The following SLIT1 variants were observed in gnomAD, a reference collection of about 807,000 sequenced individuals.
The protein encoded by SLIT1 is slit guidance ligand 1, also known as slit homolog 1 protein.
Under a neutral mutation model 186.1 loss-of-function variants are expected in SLIT1, and 66 were observed. The ratio of observed to expected loss-of-function variants is 0.35; its 90% confidence interval spans 0.29 to 0.44. The LOEUF is 0.44. Among genes scored for constraint, SLIT1 ranks in the 20% least tolerant of loss-of-function variants. The probability of loss-of-function intolerance (pLI) is 1.00; values close to 1 mark genes in which losing one functional copy is unlikely to be tolerated. For synonymous variants in SLIT1, 761 were observed against 833.8 expected (o/e 0.91, Z 1.50); for missense variants, 1,638 against 2,037.4 (o/e 0.80, Z 3.77).
intron 4 of SLIT1, among the ~76,000 whole-genome samples, chr10:97,111,483 G>T (rs1029343766): frequency 2.0e-5 from 3 of 152,096 alleles, no homozygotes; most frequent in African/African-American, 7.2e-5. Flanking sequence ...CAAGGCCAGG[G>T]TCATCAAGCT....
intron 3 of SLIT1, among the ~76,000 whole-genome samples, chr10:97,159,492 C>T (rs1021362786): frequency 9.2e-5 from 14 of 152,196 alleles, no homozygotes; most frequent in Admixed American, 2.6e-4. Context: ...TGCCTGGTAA[C>T]CACTGGTTTT....
chr10:97,015,085 A>T (rs1848444057), intron 28 of SLIT1, among the ~76,000 whole-genome samples: 1 of 151,838 alleles, frequency 6.6e-6, no homozygotes, highest in Non-Finnish European at 1.5e-5. Context: ...TGTGGATCAG[A>T]GAGAGGTCCA....
At chr10:97,126,264 C>T (rs1459898222) in intron 4 of SLIT1, among the ~76,000 whole-genome samples, 1 of 152,222 alleles carries the variant, frequency 6.6e-6, no homozygotes, top group Non-Finnish European at 1.5e-5. Flanking sequence ...TAAACTGTAA[C>T]AGACGTGAAC....
intron 11 of SLIT1, chr10:97,057,609 C>T (rs1395419492): frequency 1.6e-5 from 6 of 365,612 alleles, no homozygotes; most frequent in Non-Finnish European, 3.0e-5. Flanking sequence ...TTCATCTGGT[C>T]CAGAATCCAA....
At chr10:97,149,204 C>G (rs1333765529) in intron 4 of SLIT1, among the ~76,000 whole-genome samples, 1 of 152,232 alleles carries the variant, frequency 6.6e-6, no homozygotes, top group Non-Finnish European at 1.5e-5. Flanking sequence ...GCGCATCAGC[C>G]CGCTCTGGCG....
intron 1 of SLIT1, among the ~76,000 whole-genome samples, chr10:97,180,453 T>C (rs967149068): frequency 1.3e-5 from 2 of 152,236 alleles, no homozygotes; most frequent in Non-Finnish European, 2.9e-5. Context: ...TCTTATACTA[T>C]GTCATTCATC....
intron 4 of SLIT1, among the ~76,000 whole-genome samples, chr10:97,130,607 G>C (rs1849643978): frequency 6.6e-6 from 1 of 152,184 alleles, no homozygotes; most frequent in Non-Finnish European, 1.5e-5. Context: ...CTGGACTCTG[G>C]AGCCTGACTG....
intron 4 of SLIT1, among the ~76,000 whole-genome samples, chr10:97,081,420 C>T (rs1469528941): frequency 6.6e-6 from 1 of 152,180 alleles, no homozygotes; most frequent in Non-Finnish European, 1.5e-5. Context: ...CCACTGGGTC[C>T]CTGGGGCATT....
intron 4 of SLIT1, among the ~76,000 whole-genome samples, chr10:97,139,511 C>G (rs1254988500): frequency 6.6e-6 from 1 of 152,174 alleles, no homozygotes; most frequent in East Asian, 1.9e-4. Context: ...TCAACTTGAT[C>G]AAGAAATAGT....
At chr10:97,019,878 T>C (rs1015206300) in intron 26 of SLIT1, among the ~76,000 whole-genome samples, 1 of 152,162 alleles carries the variant, frequency 6.6e-6, no homozygotes, top group Non-Finnish European at 1.5e-5. Context: ...GGCATGAGCA[T>C]GAATAGAAAT....
chr10:97,137,868 T>G (rs1165832371), intron 4 of SLIT1, among the ~76,000 whole-genome samples: 1 of 152,234 alleles, frequency 6.6e-6, no homozygotes, highest in Non-Finnish European at 1.5e-5. Flanking sequence ...TCATTTAATC[T>G]GTGCTCAACA....
At chr10:97,179,101 T>A (rs538551299) in intron 1 of SLIT1, among the ~76,000 whole-genome samples, 2 of 151,964 alleles carry the variant, frequency 1.3e-5, no homozygotes, top group Non-Finnish European at 2.9e-5. Context: ...AAACCCTACC[T>A]CCACAACACA....
At chr10:97,032,837 G>A (rs771809059) in intron 23 of SLIT1, among the ~76,000 whole-genome samples, 6 of 152,260 alleles carry the variant, frequency 3.9e-5, no homozygotes, top group African/African-American at 7.2e-5. Flanking sequence ...AAGAGCTACC[G>A]GCACATGCAA....
At chr10:97,037,395 C>A (rs551008333) in intron 22 of SLIT1, among the ~76,000 whole-genome samples, 1 of 152,236 alleles carries the variant, frequency 6.6e-6, no homozygotes, top group Admixed American at 6.5e-5. Flanking sequence ...GCCACCGTGC[C>A]CGCCCGACCA....
chr10:97,123,657 G>A (rs906748277), intron 4 of SLIT1, among the ~76,000 whole-genome samples: 9 of 152,098 alleles, frequency 5.9e-5, no homozygotes, highest in Non-Finnish European at 1.3e-4. Flanking sequence ...GGGCATGGTG[G>A]CAGGCGCCTG....
chr10:97,107,612 A>G (rs1275375480), intron 4 of SLIT1, among the ~76,000 whole-genome samples: 1 of 152,194 alleles, frequency 6.6e-6, no homozygotes, highest in Non-Finnish European at 1.5e-5. Context: ...CACCATGCCC[A>G]GCTAATTTTT....
chr10:97,134,718 T>C (rs1441736633), intron 4 of SLIT1, among the ~76,000 whole-genome samples: 1 of 152,252 alleles, frequency 6.6e-6, no homozygotes, highest in Admixed American at 6.5e-5. Flanking sequence ...AGACTTCCGT[T>C]TGGGGGACTT....
At chr10:97,117,024 T>A (rs117013322) in intron 4 of SLIT1, among the ~76,000 whole-genome samples, 2,002 of 152,158 alleles carry the variant, frequency 0.013, 23 homozygotes, top group Non-Finnish European at 0.02. Flanking sequence ...TACCCAACAC[T>A]GTTTTCTCTC....
At chr10:97,170,077 C>T (rs1040074088) in intron 1 of SLIT1, among the ~76,000 whole-genome samples, 1 of 152,216 alleles carries the variant, frequency 6.6e-6, no homozygotes, top group Non-Finnish European at 1.5e-5. Flanking sequence ...TGCACAGGCG[C>T]TCTGTAATAA....
Sources: allele counts gnomAD v4.1 joint callset (sites outside exome capture counted in the v4.1 genomes callset), GRCh38; gene constraint gnomAD v4.1.1; transcripts MANE v1.5; gene names NCBI Gene and HGNC (gene_info 2026-07-23, HGNC 2026-07-21).